The following AMPD3 variants were observed in gnomAD, a reference collection of about 807,000 sequenced individuals.
AMPD3 encodes the protein AMP deaminase 3.
Under a neutral mutation model 82.3 loss-of-function variants are expected in AMPD3, and 57 were observed. The observed-to-expected ratio is 0.69, with a 90% CI of 0.56 to 0.86. The LOEUF (loss-of-function observed/expected upper bound fraction) is 0.86, where lower values mean the gene tolerates loss of function less well. AMPD3 is among the 40% of genes least tolerant of loss of function. AMPD3 has a pLI of 0.00. For missense variants in AMPD3, 870 were observed against 1,003.8 expected, an observed-to-expected ratio of 0.87 and a Z score of 1.80; for synonymous variants, 381 against 394.7, an observed-to-expected ratio of 0.97 and a Z score of 0.41.
chr11:10,456,039 G>C lies in AMPD3; in HGVS notation c.-6+591G>C. The C allele has an allele frequency of 9.5e-7, 1 of 1,052,946 alleles. No homozygotes were observed. The highest frequency in any genetic ancestry group is 1.1e-6 in the Non-Finnish European group (1 of 872,602). The allele number at this position is 1,052,946 out of a possible 1,614,324, so 65.2% of individuals were successfully genotyped here. A position where few individuals can be genotyped will look rare whatever the true frequency, so the allele number is the denominator to read the frequency against. On this transcript the variant is annotated intron_variant, in intron 1 of 14. Coordinates refer to ENST00000396553, the MANE Select transcript of AMPD3 (RefSeq NM_001025389.2). The surrounding 1 kb of genome is among the most constrained non-coding windows in gnomAD (Gnocchi z 4.3). ...GGACGGCTGAGTTTACTGTTGTAAA[G>C]AGGAAGCCGCCGCTTTAGTTTCCTC...
intron 1 of AMPD3, 65 bp downstream of exon 1, chr11:10,455,513 G>T (rs1161381549): frequency 3.5e-6 from 3 of 856,066 alleles, no homozygotes; most frequent in Non-Finnish European, 4.2e-6. Context: ...TTTTCTGTGT[G>T]TGTGGATGGG....
At chr11:10,478,195 G>A in intron 2 of AMPD3, 1 of 985,354 alleles carries the variant, frequency 1.0e-6, no homozygotes, top group Non-Finnish European at 1.2e-6. Flanking sequence ...CCCCTCTAGT[G>A]CCCTGTGGTT....
At chr11:10,493,746 G>A (rs1358349341) in intron 7 of AMPD3, 6 of 677,910 alleles carry the variant, frequency 8.9e-6, no homozygotes, top group African/African-American at 1.8e-5. Flanking sequence ...GTGTGGCTTG[G>A]GGCCTGACAG....
At chr11:10,501,758 A>T in intron 12 of AMPD3, 168 bp downstream of exon 12, 1 of 985,038 alleles carries the variant, frequency 1.0e-6, no homozygotes, top group Non-Finnish European at 1.2e-6. Context: ...AACTCATCAC[A>T]ATTTTGATTT....
intron 12 of AMPD3, 25 bp downstream of exon 12, chr11:10,501,615 C>T (rs372134510): frequency 5.6e-6 from 9 of 1,613,946 alleles, no homozygotes; most frequent in Middle Eastern, 1.6e-4. Context: ...CTCGGGAGCC[C>T]GTCCTGAGTG....
At chr11:10,496,267 G>A in intron 9 of AMPD3, 1 of 985,372 alleles carries the variant, frequency 1.0e-6, no homozygotes. Flanking sequence ...GGCCTTGGGG[G>A]AACTACTACC....
chr11:10,502,536 C>T (rs1849607935), intron 12 of AMPD3, 185 bp from the exon 13 acceptor site: 1 of 985,288 alleles, frequency 1.0e-6, no homozygotes. Flanking sequence ...ATGAGATGAA[C>T]AGTGGGGAAG....
Position 10,456,467 on chromosome 11 carries a change from G to C in AMPD3, c.-6+1019G>C. 6.2e-7 allele frequency: 1 copy of C among 1,613,714 alleles called. No homozygotes were observed. The highest frequency in any genetic ancestry group is 8.5e-7 in the Non-Finnish European group (1 of 1,179,642). On this transcript the variant is annotated intron_variant, in intron 1 of 14. Transcript: ENST00000396553. The surrounding 1 kb of genome is among the most constrained non-coding windows in gnomAD (Gnocchi z 4.3). Reference sequence around the variant, plus strand: ...TAGGAACCAGCTTCCTTCGTATAACGAGGGGATTTCAGTGGCACTGGGCTT... The same window carrying C: ...TAGGAACCAGCTTCCTTCGTATAACCAGGGGATTTCAGTGGCACTGGGCTT...
intron 1 of AMPD3, chr11:10,460,797 C>A: frequency 1.3e-6 from 1 of 755,816 alleles, no homozygotes; most frequent in Non-Finnish European, 1.6e-6. Context: ...GAATGAAACC[C>A]AACCAACCAA....
chr11:10,461,126 A>C lies in AMPD3; in HGVS notation c.-5-389A>C, dbSNP rs189945535. 7.5e-5 allele frequency: 90 copies of C among 1,193,752 alleles called. No individual in the cohort carries two copies. In the African/African-American group the frequency reaches 1.1e-3, roughly 14 times the overall value. The allele number at this position is 1,193,752 out of a possible 1,614,324, so 73.9% of individuals were successfully genotyped here. On this transcript the variant is annotated intron_variant, in intron 1 of 14. Transcript: ENST00000396553. ...GTGAGGTTTGATTATTGTTGCAGCT[A>C]TAACAGTATCCTCATAGTCTGGAGG...
intron 6 of AMPD3, among the ~76,000 whole-genome samples, chr11:10,491,493 G>A (rs1468249285): frequency 4.6e-5 from 7 of 152,230 alleles, no homozygotes; most frequent in Admixed American, 6.5e-5. Context: ...TAGCTTCTGT[G>A]TATGGAGAAT....
chr11:10,501,598 G>A lies in AMPD3; in HGVS notation c.1842+8G>A. 6.2e-7 allele frequency: 1 copy of A among 1,614,174 alleles called. No homozygotes were observed. The highest frequency in any genetic ancestry group is 2.2e-5 in the East Asian group (1 of 44,882). On this transcript the variant is annotated splice_region_variant and intron_variant, in intron 12 of 14. Coordinates refer to ENST00000396553, the MANE Select transcript of AMPD3 (RefSeq NM_001025389.2). The stretch of plus-strand genomic sequence containing the variant: ...GGGCTGCTCCTCAAGAAGGTAACCA[G>A]GTCACTCTCGGGAGCCCGTCCTGAG...
At chr11:10,472,285 G>A (rs937959283) in intron 2 of AMPD3, among the ~76,000 whole-genome samples, 3 of 151,928 alleles carry the variant, frequency 2.0e-5, no homozygotes, top group Non-Finnish European at 4.4e-5. Context: ...ACACACTGGG[G>A]CCTGTTGGGG....
chr11:10,496,695 T>C, intron 9 of AMPD3, 117 bp from the exon 10 acceptor site: 1 of 1,556,104 alleles, frequency 6.4e-7, no homozygotes, highest in Non-Finnish European at 8.8e-7. Flanking sequence ...CCCATCTGAC[T>C]TGATTCTGGG....
At position 10,484,875 on chromosome 11, in the gene AMPD3, C is replaced by A. The variant is rs1272666661; in HGVS notation, c.645C>A (p.Pro215=). The A allele has an allele frequency of 6.2e-7, 1 of 1,614,122 alleles. No individual in the cohort carries two copies. ...ACCCCTACTGCCTGGATGATGCACC[C>A]CCCAACCTGGATTACTTGGTCCACA... is the stretch of plus-strand genomic sequence containing the variant. ...QEDPYCLDDA[P]PNLDYLVHMQ... Residue 215 remains proline (P), a synonymous_variant, in exon 5 of 15, where the codon CCC becomes CCA. Coordinates refer to ENST00000396553, the MANE Select transcript of AMPD3 (RefSeq NM_001025389.2).
At chr11:10,501,418 G>T in intron 11 of AMPD3, 52 bp from the exon 12 acceptor site, 3 of 1,604,872 alleles carry the variant, frequency 1.9e-6, no homozygotes, top group Non-Finnish European at 2.6e-6. Context: ...CAGGCCCCAG[G>T]CAGAGCCAAC....
At chr11:10,466,148 G>A (rs1245216351) in intron 2 of AMPD3, among the ~76,000 whole-genome samples, 1 of 152,136 alleles carries the variant, frequency 6.6e-6, no homozygotes, top group Non-Finnish European at 1.5e-5. Flanking sequence ...TGTAATCCCA[G>A]TTACTTGGGA....
intron 11 of AMPD3, chr11:10,500,973 T>C (rs930362825): frequency 5.1e-6 from 5 of 985,248 alleles, no homozygotes; most frequent in Non-Finnish European, 6.0e-6. Flanking sequence ...GGGGTCCTGA[T>C]TGAAAGAAAT....
At chr11:10,501,346 TGGGTCAGC>T in intron 11 of AMPD3, 116 bp from the exon 12 acceptor site, 1 of 1,482,136 alleles carries the variant, frequency 6.7e-7, no homozygotes, top group Non-Finnish European at 9.0e-7. Flanking sequence ...CAGGGTGCAC[TGGGTCAGC>T]ACAGCTGACC....
Sources: allele counts gnomAD v4.1 joint callset (sites outside exome capture counted in the v4.1 genomes callset), GRCh38; gene constraint gnomAD v4.1.1; non-coding constraint Gnocchi (gnomAD v3.1); transcripts MANE v1.5; gene names NCBI Gene and HGNC (gene_info 2026-07-23, HGNC 2026-07-21).